JAK1: variants seen among roughly 807,000 people sequenced by gnomAD.
JAK1 encodes tyrosine-protein kinase JAK1.
Under a neutral mutation model 136.6 loss-of-function variants are expected in JAK1, and 16 were observed. The observed-to-expected ratio is 0.12, with a 90% CI of 0.08 to 0.18. JAK1 has a LOEUF of 0.18. JAK1 is among the 10% of genes least tolerant of loss of function. JAK1 has a pLI of 1.00. For synonymous variants in JAK1, 492 were observed against 519.5 expected (o/e 0.95, Z 0.72); for missense variants, 859 against 1,450.1 (o/e 0.59, Z 6.62).
intron 1 of JAK1, among the ~76,000 whole-genome samples, chr1:64,952,615 T>G (rs905989659): frequency 2.0e-5 from 3 of 152,148 alleles, no homozygotes; most frequent in Non-Finnish European, 4.4e-5. Context: ...GAGAATGTAT[T>G]GCACACTAGA....
chr1:65,051,594 C>T lies in JAK1; in HGVS notation c.-180-7012G>A, dbSNP rs113753138. 8.2e-3 allele frequency among the ~76,000 whole-genome samples: 1,241 copies of T among 152,076 alleles called. 11 individuals carry two copies. The highest frequency in any genetic ancestry group is 0.012 in the Non-Finnish European group (818 of 67,982). Reference sequence around the variant, plus strand: ...CCTAGACAGCTAGCCCCCAGTGGACCCCAAGATATTCCTGGTTCGAAGATA... The same window carrying T: ...CCTAGACAGCTAGCCCCCAGTGGACTCCAAGATATTCCTGGTTCGAAGATA... On this transcript the variant is annotated intron_variant, in intron 1 of 25. Transcript: ENST00000671954.
chr1:64,856,867 C>T (rs961923379), intron 10 of JAK1, among the ~76,000 whole-genome samples: 1 of 152,146 alleles, frequency 6.6e-6, no homozygotes, highest in Non-Finnish European at 1.5e-5. Context: ...GTCCTTCCTG[C>T]GTCTACCCTC....
chr1:64,948,684 G>A (rs1646029492), intron 1 of JAK1, among the ~76,000 whole-genome samples: 1 of 152,086 alleles, frequency 6.6e-6, no homozygotes, highest in African/African-American at 2.4e-5. Flanking sequence ...ATCATAACAG[G>A]GGAAAAAAGA....
chr1:64,893,821 A>G (rs1644974650), intron 1 of JAK1, among the ~76,000 whole-genome samples: 1 of 152,250 alleles, frequency 6.6e-6, no homozygotes, highest in Non-Finnish European at 1.5e-5. Context: ...GTAAAGACAT[A>G]GAATCTCCTG....
intron 2 of JAK1, among the ~76,000 whole-genome samples, chr1:64,995,354 T>G (rs973674435): frequency 5.3e-5 from 8 of 151,870 alleles, no homozygotes; most frequent in African/African-American, 1.9e-4. Context: ...ATGTCATCAG[T>G]TTCCCTATAG....
chr1:65,017,973 C>T (rs1013191572), intron 2 of JAK1, among the ~76,000 whole-genome samples: 2 of 151,964 alleles, frequency 1.3e-5, no homozygotes, highest in African/African-American at 2.4e-5. Flanking sequence ...CCAGGCCCAA[C>T]TAATTTTTGT....
At chr1:64,978,294 A>C (rs1646514535) in intron 2 of JAK1, among the ~76,000 whole-genome samples, 1 of 152,162 alleles carries the variant, frequency 6.6e-6, no homozygotes, top group Non-Finnish European at 1.5e-5. Flanking sequence ...AAAACAAACA[A>C]AGAAAAAAAC....
chr1:65,000,837 T>C (rs1444816270), intron 2 of JAK1, among the ~76,000 whole-genome samples: 10 of 152,140 alleles, frequency 6.6e-5, no homozygotes, highest in Admixed American at 6.5e-5. Flanking sequence ...TTTTGTGATT[T>C]TTAAAAAGGA....
intron 1 of JAK1, among the ~76,000 whole-genome samples, chr1:64,917,421 CAA>C (rs757151157): frequency 3.3e-5 from 5 of 152,112 alleles, no homozygotes; most frequent in Admixed American, 6.5e-5. Context: ...AAAGATTAAA[CAA>C]AGAGGAAGTG....
chr1:65,038,936 T>C (rs473647), intron 2 of JAK1, among the ~76,000 whole-genome samples: 38,174 of 150,864 alleles, frequency 0.25, 5,301 homozygotes, highest in East Asian at 0.44. Flanking sequence ...CCGCACCCAG[T>C]CTTGTGTGTG....
intron 2 of JAK1, among the ~76,000 whole-genome samples, chr1:65,001,676 T>TGGG (rs1341736605): frequency 1.1e-5 from 1 of 89,102 alleles, no homozygotes; most frequent in African/African-American, 4.8e-5. Context: ...AAAGTGTGTG[T>TGGG]GTGGGGGGGG....
chr1:64,883,354 G>A lies in JAK1; in HGVS notation c.128C>T (p.Ser43Leu), dbSNP rs758557529. ...EPGVEVIFYL[S>L]DREPLRLGSG... ...GCCCAGCCGGAGGGGCTCCCTGTCC[G>A]ACAGATAGAAGATCACTTCCACCCC... The change falls in exon 3 of 25, where the codon TCG becomes TTG. Residue 43 changes from serine to leucine, a missense_variant. Physicochemically the swap from Ser to Leu is moderately radical, Grantham distance 145. Around this residue, in one of 4 missense-constraint regions of JAK1, gnomAD observed 353 missense variants for 494.0 expected, o/e 0.71. Transcript: ENST00000342505. 20 of 1,614,020 alleles carry A rather than the reference G, an allele frequency of 1.2e-5. No homozygotes were observed. The highest frequency in any genetic ancestry group is 6.7e-5 in the East Asian group (3 of 44,882).
intron 2 of JAK1, among the ~76,000 whole-genome samples, chr1:65,008,964 G>A (rs1646825965): frequency 1.3e-5 from 2 of 152,166 alleles, no homozygotes; most frequent in South Asian, 4.1e-4. Context: ...GGGATTTCAG[G>A]CGTGAGCCAC....
At chr1:64,959,641 C>T (rs1009577579) in intron 1 of JAK1, among the ~76,000 whole-genome samples, 5 of 152,144 alleles carry the variant, frequency 3.3e-5, no homozygotes, top group East Asian at 1.9e-4. Flanking sequence ...AATTATATAC[C>T]TTGGATGGCA....
chr1:64,986,521 G>C (rs1217941850), intron 2 of JAK1, among the ~76,000 whole-genome samples: 1 of 152,022 alleles, frequency 6.6e-6, no homozygotes, highest in Non-Finnish European at 1.5e-5. Context: ...GTTTTCTCCA[G>C]GTCCTCAGGA....
chr1:65,025,845 T>C (rs1195726949), intron 2 of JAK1, among the ~76,000 whole-genome samples: 2 of 152,000 alleles, frequency 1.3e-5, no homozygotes, highest in Non-Finnish European at 2.9e-5. Context: ...GCCTGGCTAA[T>C]TTTTTATATT....
intron 2 of JAK1, among the ~76,000 whole-genome samples, chr1:65,019,452 G>A (rs938249532): frequency 7.5e-6 from 1 of 133,364 alleles, no homozygotes; most frequent in Admixed American, 7.4e-5. Context: ...GAACCCATAT[G>A]ACCCCCCCCC....
chr1:64,844,798 T>C lies in JAK1; in HGVS notation c.2207A>G (p.Lys736Arg). 6.2e-7 allele frequency: 1 copy of C among 1,614,200 alleles called. No individual in the cohort carries two copies. Among genetic ancestry groups the C allele is most frequent in the South Asian group, 1.1e-5 (1 of 91,086 alleles). The change falls in exon 16 of 25, where the codon AAG becomes AGG. Residue 736 changes from lysine (K) to arginine (R), a missense_variant. Coordinates refer to ENST00000342505, the MANE Select transcript of JAK1 (RefSeq NM_002227.4). This position sits in a 1 kb window ranked among gnomAD's most constrained non-coding sequence, Gnocchi z 5.7. ...AATGGGGATGCCGGGGTCACTGAGC[T>C]TGATGAATGGGCCACACTCACTGTC... ...GIDSECGPFIKLSDPGIPITV... is the reference protein window; with the variant it reads ...GIDSECGPFIRLSDPGIPITV...
At chr1:64,940,086 T>C (rs367578132) in intron 1 of JAK1, among the ~76,000 whole-genome samples, 44 of 152,224 alleles carry the variant, frequency 2.9e-4, no homozygotes, top group African/African-American at 1.0e-3. Context: ...CTATAAATCC[T>C]ATGAGAGCAG....
Sources: gnomAD v4.1 joint callset for allele counts (sites outside exome capture counted in the v4.1 genomes callset) on GRCh38, gnomAD v4.1.1 for gene constraint, gnomAD v4.1.1 regional missense constraint, Gnocchi (gnomAD v3.1) non-coding constraint, MANE v1.5 for transcripts, NCBI Gene and HGNC (gene_info 2026-07-23, HGNC 2026-07-21) for gene names.